The following PARD3B variants were observed in gnomAD, a reference collection of about 807,000 sequenced individuals.
PARD3B encodes partitioning defective 3 homolog B.
A neutral mutation model predicts 130.2 loss-of-function variants in PARD3B; 103 were observed. The observed-to-expected ratio is 0.79, with a 90% confidence interval of 0.67 to 0.93. PARD3B has a LOEUF of 0.93. Among genes scored for constraint, PARD3B ranks in the 40% least tolerant of loss-of-function variants. PARD3B has a pLI of 0.00. For synonymous variants in PARD3B, 583 were observed against 553.2 expected, an observed-to-expected ratio of 1.05 and a Z score of -0.76; for missense variants, 1,609 against 1,499.2, an observed-to-expected ratio of 1.07 and a Z score of -1.21.
At chr2:205,156,543 T>A (rs76395181) in intron 10 of PARD3B, among the ~76,000 whole-genome samples, 3 of 147,638 alleles carry the variant, frequency 2.0e-5, no homozygotes, top group Non-Finnish European at 3.0e-5. Context: ...GAGGAAAAGA[T>A]AAAAAAAAAA....
rs376801598 is a variant in PARD3B at position 204,548,892 on chromosome 2, A to G, written c.120+2773A>G. ...ATAAAGAACCAAATTTGGTGGGAAC[A>G]TGAATGTAAAGTAAGTCCATTATTT... is the stretch of plus-strand genomic sequence containing the variant. On this transcript the variant is annotated intron_variant, in intron 1 of 22. Transcript: ENST00000406610. 7.9e-5 allele frequency among the ~76,000 whole-genome samples: 12 copies of G among 152,330 alleles called. No homozygotes were observed. In the East Asian group the frequency reaches 2.3e-3, roughly 29 times the overall value.
At chr2:204,993,732 T>C (rs1224324410) in intron 3 of PARD3B, among the ~76,000 whole-genome samples, 5 of 144,556 alleles carry the variant, frequency 3.5e-5, no homozygotes. Context: ...GTTGGTAAAC[T>C]ATTGATTATC....
chr2:205,507,153 G>A (rs1022364158), intron 21 of PARD3B, among the ~76,000 whole-genome samples: 12 of 137,370 alleles, frequency 8.7e-5, no homozygotes, highest in African/African-American at 2.7e-4. Flanking sequence ...CCTGGATCAC[G>A]TGTCCACTTC....
intron 3 of PARD3B, among the ~76,000 whole-genome samples, chr2:205,031,821 G>C (rs965625645): frequency 6.6e-6 from 1 of 152,100 alleles, no homozygotes; most frequent in Non-Finnish European, 1.5e-5. Context: ...CATAGGTCTT[G>C]TGGGGGAAAA....
At chr2:205,055,035 A>G (rs915725939) in intron 4 of PARD3B, among the ~76,000 whole-genome samples, 8 of 152,146 alleles carry the variant, frequency 5.3e-5, no homozygotes, top group Non-Finnish European at 8.8e-5. Context: ...CAAGACTGTG[A>G]ACTCTTCAGA....
At chr2:204,946,783 T>G (rs1689362563) in intron 2 of PARD3B, among the ~76,000 whole-genome samples, 1 of 152,132 alleles carries the variant, frequency 6.6e-6, no homozygotes, top group Non-Finnish European at 1.5e-5. Context: ...ATGATTCCAG[T>G]CCTGGTCAGA....
chr2:204,693,736 AC>A (rs529119935), intron 2 of PARD3B, among the ~76,000 whole-genome samples: 163 of 152,026 alleles, frequency 1.1e-3, no homozygotes, highest in Non-Finnish European at 1.9e-3. Context: ...TGGTGGCGAA[AC>A]TACTGTACGA....
At chr2:205,504,025 A>G (rs902160746) in intron 21 of PARD3B, among the ~76,000 whole-genome samples, 1 of 152,156 alleles carries the variant, frequency 6.6e-6, no homozygotes, top group East Asian at 1.9e-4. Flanking sequence ...CATTGATTTT[A>G]TATCCTGAGA....
At chr2:204,749,766 C>A (rs534902280) in intron 2 of PARD3B, among the ~76,000 whole-genome samples, 1 of 152,140 alleles carries the variant, frequency 6.6e-6, no homozygotes, top group Non-Finnish European at 1.5e-5. Flanking sequence ...ACTTTCTACA[C>A]CAGCTGATAG....
intron 13 of PARD3B, among the ~76,000 whole-genome samples, chr2:205,181,119 T>C (rs1338425355): frequency 3.3e-5 from 5 of 152,188 alleles, no homozygotes; most frequent in Admixed American, 3.3e-4. Flanking sequence ...CCCCCAAATC[T>C]GCCCAGCATC....
chr2:205,120,750 A>G (rs2030601742), intron 7 of PARD3B, among the ~76,000 whole-genome samples: 1 of 152,166 alleles, frequency 6.6e-6, no homozygotes, highest in African/African-American at 2.4e-5. Flanking sequence ...AGTTTCAAGA[A>G]ATAGGGAAGA....
intron 3 of PARD3B, among the ~76,000 whole-genome samples, chr2:204,996,966 C>G (rs1449783783): frequency 6.6e-6 from 1 of 152,100 alleles, no homozygotes; most frequent in African/African-American, 2.4e-5. Flanking sequence ...ACACACTGGC[C>G]TGCGCCCACT....
At chr2:205,149,803 T>C (rs868019859) in intron 10 of PARD3B, among the ~76,000 whole-genome samples, 1 of 152,174 alleles carries the variant, frequency 6.6e-6, no homozygotes, top group East Asian at 1.9e-4. Context: ...TAGTTCTTAA[T>C]TGGAAGTGAT....
At chr2:205,019,137 C>T (rs1213741863) in intron 3 of PARD3B, among the ~76,000 whole-genome samples, 2 of 152,076 alleles carry the variant, frequency 1.3e-5, no homozygotes, top group African/African-American at 4.8e-5. Context: ...TCCCCAATTT[C>T]CCTACTGTCC....
At chr2:204,863,368 T>C (rs1416914170) in intron 2 of PARD3B, among the ~76,000 whole-genome samples, 1 of 152,170 alleles carries the variant, frequency 6.6e-6, no homozygotes, top group Non-Finnish European at 1.5e-5. Flanking sequence ...GGAGTCGTAC[T>C]CTCAGCCCCT....
At chr2:204,571,922 G>A (rs962801401) in intron 1 of PARD3B, among the ~76,000 whole-genome samples, 2 of 152,172 alleles carry the variant, frequency 1.3e-5, no homozygotes, top group African/African-American at 2.4e-5. Flanking sequence ...ATGTAAATGT[G>A]ACTTAAAAGG....
At chr2:204,718,326 AAGG>A (rs1174652068) in intron 2 of PARD3B, among the ~76,000 whole-genome samples, 1 of 152,124 alleles carries the variant, frequency 6.6e-6, no homozygotes, top group East Asian at 1.9e-4. Context: ...TTTATAAAGA[AAGG>A]AGGTTTAATT....
intron 2 of PARD3B, among the ~76,000 whole-genome samples, chr2:204,899,820 G>A (rs1427293496): frequency 6.6e-6 from 1 of 151,842 alleles, no homozygotes; most frequent in African/African-American, 2.4e-5. Context: ...AAATTCCTCA[G>A]TTTTTGTCTA....
chr2:205,314,518 A>C (rs1401447520), intron 18 of PARD3B, among the ~76,000 whole-genome samples: 1 of 152,208 alleles, frequency 6.6e-6, no homozygotes, highest in African/African-American at 2.4e-5. Context: ...GATGGTTCCT[A>C]ATGAAGCAAG....
Sources: allele counts gnomAD v4.1 joint callset (sites outside exome capture counted in the v4.1 genomes callset), GRCh38; gene constraint gnomAD v4.1.1; transcripts MANE v1.5; gene names NCBI Gene and HGNC (gene_info 2026-07-23, HGNC 2026-07-21).